The following GRIK4 variants were observed in gnomAD, a reference collection of about 807,000 sequenced individuals.
The protein encoded by GRIK4 is glutamate receptor ionotropic, kainate 4.
A neutral mutation model predicts 104.9 loss-of-function variants in GRIK4; 40 were observed. The observed-to-expected ratio is 0.38, with a 90% CI of 0.30 to 0.50. The LOEUF (loss-of-function observed/expected upper bound fraction) is 0.50, where lower values mean the gene tolerates loss of function less well. Ranked by LOEUF, GRIK4 falls within the 20% of genes least tolerant of loss-of-function variation. The pLI, the probability that GRIK4 is intolerant of heterozygous loss-of-function variation, is 0.93. For synonymous variants in GRIK4, 485 were observed against 524.9 expected (o/e 0.92, Z 1.04); for missense variants, 1,047 against 1,308.1 (o/e 0.80, Z 3.08).
At chr11:120,914,764 T>C (rs1943071382) in intron 13 of GRIK4, among the ~76,000 whole-genome samples, 1 of 152,118 alleles carries the variant, frequency 6.6e-6, no homozygotes, top group African/African-American at 2.4e-5. Flanking sequence ...GGTGGTTTGT[T>C]TGTTTTATTC....
intron 1 of GRIK4, among the ~76,000 whole-genome samples, chr11:120,544,658 A>AT (rs1482653653): frequency 3.5e-4 from 53 of 152,124 alleles, no homozygotes; most frequent in Non-Finnish European, 1.9e-4. Context: ...CACAGCTGTT[A>AT]TTAGGAAGTT....
At chr11:120,872,437 C>T in intron 9 of GRIK4, 1 of 159,026 alleles carries the variant, frequency 6.3e-6, no homozygotes, top group Non-Finnish European at 1.4e-5. Context: ...CCAGGGCTGG[C>T]TAGGAGGGAG....
At chr11:120,576,075 T>TA (rs1443588228) in intron 1 of GRIK4, among the ~76,000 whole-genome samples, 1 of 152,212 alleles carries the variant, frequency 6.6e-6, no homozygotes, top group African/African-American at 2.4e-5. Flanking sequence ...GGCCATAATT[T>TA]ACTGGGCTCC....
chr11:120,711,654 A>G (rs1163390705), intron 3 of GRIK4, among the ~76,000 whole-genome samples: 3 of 152,186 alleles, frequency 2.0e-5, no homozygotes, highest in Admixed American at 6.5e-5. Context: ...AACTATACCA[A>G]ACAGATTGAT....
intron 10 of GRIK4, 152 bp from the exon 11 acceptor site, chr11:120,874,987 C>A: frequency 4.8e-6 from 3 of 626,238 alleles, no homozygotes; most frequent in Admixed American, 2.5e-5. Flanking sequence ...TTTGTCATCT[C>A]AAGATGCCTT....
At chr11:120,694,032 G>C (rs1378184928) in intron 3 of GRIK4, among the ~76,000 whole-genome samples, 1 of 152,142 alleles carries the variant, frequency 6.6e-6, no homozygotes, top group Non-Finnish European at 1.5e-5. Context: ...TGACTAGGTG[G>C]GCCACCAACC....
intron 5 of GRIK4, among the ~76,000 whole-genome samples, chr11:120,817,535 A>G (rs1198332313): frequency 6.6e-6 from 1 of 152,230 alleles, no homozygotes; most frequent in Non-Finnish European, 1.5e-5. Flanking sequence ...CCATTGCTTT[A>G]AATGCTGCTG....
At chr11:120,512,740 GGCGACAGCTGGGACAGGGGGT>G (rs1947678979) in intron 1 of GRIK4, among the ~76,000 whole-genome samples, 2 of 152,190 alleles carry the variant, frequency 1.3e-5, no homozygotes, top group Admixed American at 1.3e-4. Flanking sequence ...AGGGCGTGCA[GGCGACAGCTGGGACAGGGGGT>G]TCAAGGCACT....
At chr11:120,587,685 G>A (rs568280487) in intron 1 of GRIK4, among the ~76,000 whole-genome samples, 6 of 152,306 alleles carry the variant, frequency 3.9e-5, no homozygotes, top group African/African-American at 1.2e-4. Context: ...ATCCTAGACC[G>A]TTTGCAAGGC....
chr11:120,833,420 C>T (rs1055436715), intron 7 of GRIK4, among the ~76,000 whole-genome samples: 6 of 152,106 alleles, frequency 3.9e-5, no homozygotes, highest in African/African-American at 1.4e-4. Flanking sequence ...CCAAGTTTCA[C>T]GAGAGGAGAG....
At chr11:120,730,578 G>GA (rs1555050766) in intron 3 of GRIK4, among the ~76,000 whole-genome samples, 2 of 150,722 alleles carry the variant, frequency 1.3e-5, no homozygotes, top group Non-Finnish European at 3.0e-5. Flanking sequence ...ATACATTTTA[G>GA]TTTTTTTTTC....
intron 11 of GRIK4, among the ~76,000 whole-genome samples, chr11:120,876,218 TCAC>T (rs1465003694): frequency 6.2e-4 from 84 of 136,294 alleles, no homozygotes; most frequent in Non-Finnish European, 1.0e-3. Flanking sequence ...ATCATCATCA[TCAC>T]CACCACCACG....
At chr11:120,599,023 G>A (rs1285598544) in intron 1 of GRIK4, among the ~76,000 whole-genome samples, 1 of 152,180 alleles carries the variant, frequency 6.6e-6, no homozygotes, top group Non-Finnish European at 1.5e-5. Context: ...GTCATTCTGC[G>A]TTACTGCAAA....
rs11600866 is a variant in GRIK4, at chr11:120,881,089, A to T, written c.1164+5846A>T. On this transcript the variant is annotated intron_variant, in intron 11 of 20. Transcript: ENST00000527524. ...ACATCTCTCACCACTAGTGCTTTTC[A>T]GTTCGTCTAGGTTGTCTATTAAAAC... 1.9e-3 allele frequency among the ~76,000 whole-genome samples: 296 copies of T among 152,204 alleles called. 3 individuals are homozygous for T. The highest frequency in any genetic ancestry group is 6.9e-3 in the African/African-American group (285 of 41,494).
intron 1 of GRIK4, among the ~76,000 whole-genome samples, chr11:120,589,789 T>C (rs899807784): frequency 2.0e-5 from 3 of 152,098 alleles, no homozygotes; most frequent in Admixed American, 6.5e-5. Flanking sequence ...TTTTCATATA[T>C]ATTTAAAAGG....
chr11:120,961,092 G>A lies in GRIK4; in HGVS notation c.2040+18G>A. The A allele has an allele frequency of 6.2e-7, 1 of 1,610,496 alleles. No homozygotes were observed. Among genetic ancestry groups the A allele is most frequent in the Non-Finnish European group, 8.5e-7 (1 of 1,177,366 alleles). On this transcript the variant is annotated intron_variant, in intron 17 of 20. Transcript: ENST00000527524. ...TCTTCCAAGTAAACCCCATTTGGTT[G>A]CTCACCAGCATCGGGAATTGGGCAG...
intron 3 of GRIK4, among the ~76,000 whole-genome samples, chr11:120,765,443 C>CTT (rs754671025): frequency 2.6e-5 from 4 of 152,150 alleles, no homozygotes; most frequent in Admixed American, 6.5e-5. Flanking sequence ...TACCCACCTT[C>CTT]TGAAGCCTAC....
chr11:120,862,022 A>T lies in GRIK4; in HGVS notation c.808A>T (p.Ile270Phe). The change falls in exon 9 of 21, where the codon ATT (isoleucine) becomes TTT (phenylalanine). Residue 270 changes from isoleucine (I) to phenylalanine (F), a missense_variant. By Grantham distance (21) the Ile-to-Phe change is conservative. Around this residue, in one of 3 missense-constraint regions of GRIK4, gnomAD observed 447 missense variants for 514.9 expected, o/e 0.87. Coordinates refer to ENST00000527524, the MANE Select transcript of GRIK4 (RefSeq NM_014619.5). ...TCGTGTCAACATCCTGGGATTTTCC[A>T]TTTTCAACCAATCCCATGCTTTCTT... Reference protein sequence around the residue: ...DDRVNILGFSIFNQSHAFFQE... With the variant: ...DDRVNILGFSFFNQSHAFFQE... 1 of 1,613,812 alleles carries T rather than the reference A, an allele frequency of 6.2e-7. No individual in the cohort carries two copies. Among genetic ancestry groups the T allele is most frequent in the South Asian group, 1.1e-5 (1 of 91,072 alleles).
chr11:120,809,902 CA>C (rs201898653), intron 4 of GRIK4, among the ~76,000 whole-genome samples: 2,024 of 152,152 alleles, frequency 0.013, 35 homozygotes, highest in African/African-American at 0.045. Flanking sequence ...CCCATCTCTA[CA>C]AAAAATAAAA....
Sources: allele counts gnomAD v4.1 joint callset (sites outside exome capture counted in the v4.1 genomes callset), GRCh38; gene constraint gnomAD v4.1.1; regional missense constraint gnomAD v4.1.1; transcripts MANE v1.5; gene names NCBI Gene and HGNC (gene_info 2026-07-23, HGNC 2026-07-21).